FMN1: variants seen among roughly 807,000 people sequenced by gnomAD.
The protein encoded by FMN1 is formin-1.
FMN1 carries 110 observed loss-of-function variants against 132.4 expected under a neutral mutation model. The observed-to-expected ratio is 0.83, with a 90% CI of 0.71 to 0.97. The LOEUF (loss-of-function observed/expected upper bound fraction) is 0.97, where lower values mean the gene tolerates loss of function less well. Ranked by LOEUF, FMN1 falls within the 50% of genes least tolerant of loss-of-function variation. FMN1 has a pLI of 0.00. For missense variants in FMN1, 1,792 were observed against 1,705.3 expected (o/e 1.05, Z -0.90); for synonymous variants, 722 against 651.7 (o/e 1.11, Z -1.64).
At chr15:33,093,812 G>A (rs529939231) in intron 4 of FMN1, among the ~76,000 whole-genome samples, 3 of 152,310 alleles carry the variant, frequency 2.0e-5, no homozygotes, top group Admixed American at 2.0e-4. Flanking sequence ...CATTGATGAG[G>A]AAAGCATCCA....
chr15:32,926,290 A>T (rs1322239954), intron 9 of FMN1, 29 bp from the exon 10 acceptor site: 5 of 1,271,272 alleles, frequency 3.9e-6, no homozygotes, highest in Non-Finnish European at 5.5e-6. Flanking sequence ...AAAAAAGAAT[A>T]CAAGCTCAAA....
chr15:32,965,779 A>G (rs1032272145), intron 8 of FMN1, among the ~76,000 whole-genome samples: 2 of 152,220 alleles, frequency 1.3e-5, no homozygotes, highest in African/African-American at 4.8e-5. Flanking sequence ...ACCATGTAAT[A>G]GTATGACATA....
At chr15:33,110,641 T>C (rs1451373885) in intron 4 of FMN1, among the ~76,000 whole-genome samples, 1 of 151,962 alleles carries the variant, frequency 6.6e-6, no homozygotes, top group Non-Finnish European at 1.5e-5. Context: ...TTGACGCTTC[T>C]TTTTCTTTTT....
At chr15:33,131,235 G>T (rs532556646) in intron 4 of FMN1, among the ~76,000 whole-genome samples, 1 of 150,928 alleles carries the variant, frequency 6.6e-6, no homozygotes, top group East Asian at 1.9e-4. Context: ...AGGCTGAGGC[G>T]GAAGAATCAC....
rs371178299 is a variant in FMN1 at position 32,901,945 on chromosome 15, T to A, written c.3473A>T (p.His1158Leu). The A allele has an allele frequency of 1.9e-6, 3 of 1,612,874 alleles. No individual in the cohort carries two copies. In the African/African-American group the frequency reaches 4.0e-5, roughly 22 times the overall value. The stretch of plus-strand genomic sequence containing the variant: ...TCGCGTGATGATCTCTACCTTTCTG[T>A]GCAAGGAGGTGATACCCTCAGAAAA... Reference protein sequence around the residue: ...SVFSEGITSLHRKVEIITRAS... With the variant: ...SVFSEGITSLLRKVEIITRAS... The change falls in exon 13 of 21, where the codon CAC becomes CTC. Residue 1158 changes from histidine (H) to leucine (L), a missense_variant. Physicochemically the swap from His to Leu is moderately conservative, Grantham distance 99. This residue lies in a region of FMN1 where 1,150 missense variants were observed against 1,043.1 expected (regional missense o/e 1.10). Transcript: ENST00000616417.
chr15:32,987,997 G>C (rs909384064), intron 7 of FMN1, among the ~76,000 whole-genome samples: 1 of 150,510 alleles, frequency 6.6e-6, no homozygotes, highest in African/African-American at 2.4e-5. Context: ...TGCAGGTTTA[G>C]GAGAAAAAAA....
rs541132307 is a variant in FMN1, at chr15:32,796,632, T to C, written c.4130+2172A>G. On this transcript the variant is annotated intron_variant, in intron 19 of 20. Coordinates refer to ENST00000616417, the MANE Select transcript of FMN1 (RefSeq NM_001277313.2). ...CCTCATTTAATAGAAAAATTCCAGT[T>C]AATTTGCTTATTTTACCATAATGAA... Among the ~76,000 whole-genome samples, 71 of 152,328 alleles carry C rather than the reference T, an allele frequency of 4.7e-4. No homozygotes were observed. In the South Asian group the frequency reaches 9.1e-3, roughly 20 times the overall value.
At chr15:32,782,690 T>C (rs755290900) in intron 19 of FMN1, among the ~76,000 whole-genome samples, 62 of 152,260 alleles carry the variant, frequency 4.1e-4, no homozygotes, top group African/African-American at 7.2e-5. Flanking sequence ...TCTAGCTGCA[T>C]ACACGCTCAA....
At chr15:32,895,318 A>G (rs184094656) in intron 15 of FMN1, among the ~76,000 whole-genome samples, 1 of 152,176 alleles carries the variant, frequency 6.6e-6, no homozygotes, top group East Asian at 1.9e-4. Context: ...AAAAAGGAAA[A>G]AATGAAAAAA....
At chr15:33,075,733 T>C (rs892082933) in intron 5 of FMN1, among the ~76,000 whole-genome samples, 3 of 152,224 alleles carry the variant, frequency 2.0e-5, no homozygotes, top group East Asian at 1.9e-4. Flanking sequence ...AAAAGCATGC[T>C]GAAAATGAGA....
chr15:33,110,123 A>C (rs1224644361), intron 4 of FMN1, among the ~76,000 whole-genome samples: 1 of 152,104 alleles, frequency 6.6e-6, no homozygotes, highest in Non-Finnish European at 1.5e-5. Context: ...TTGACAATAT[A>C]ACGCTTCTCC....
chr15:32,973,701 A>G (rs1203469483), intron 7 of FMN1, among the ~76,000 whole-genome samples: 1 of 152,160 alleles, frequency 6.6e-6, no homozygotes, highest in Non-Finnish European at 1.5e-5. Flanking sequence ...GATTAAAGTA[A>G]TAAGCACCTC....
chr15:33,057,716 T>C (rs960876506), intron 6 of FMN1, among the ~76,000 whole-genome samples: 6 of 152,196 alleles, frequency 3.9e-5, no homozygotes, highest in African/African-American at 1.4e-4. Context: ...ACCTTTCTCA[T>C]CTCATGTTCT....
chr15:33,175,091 T>C (rs991750659), intron 3 of FMN1, among the ~76,000 whole-genome samples: 1 of 152,068 alleles, frequency 6.6e-6, no homozygotes, highest in Admixed American at 6.6e-5. Context: ...AGTGGCATGA[T>C]TATGGCTCAC....
chr15:32,993,101 T>A (rs1262727123), intron 7 of FMN1, among the ~76,000 whole-genome samples: 1 of 152,164 alleles, frequency 6.6e-6, no homozygotes, highest in Non-Finnish European at 1.5e-5. Flanking sequence ...CATTTTCAGC[T>A]GCAGTCTCTT....
chr15:33,154,069 C>G lies in FMN1; in HGVS notation c.846G>C (p.Arg282=). ...GATGCTCCAGCCCGCTCGGCGGCCT[C>G]CGAATGCCATCCCCTCCTGCCTCTG... The part of the protein sequence containing the change: ...SSTEAGGDGI[R]RPPSGLEHQQ... Residue 282 remains arginine, a synonymous_variant, in exon 4 of 21, where the codon CGG becomes CGC. Coordinates refer to ENST00000616417, the MANE Select transcript of FMN1 (RefSeq NM_001277313.2). 1 of 1,536,072 alleles carries G rather than the reference C, an allele frequency of 6.5e-7. No individual in the cohort carries two copies. The highest frequency in any genetic ancestry group is 8.7e-7 in the Non-Finnish European group (1 of 1,146,830).
intron 17 of FMN1, chr15:32,811,167 G>A (rs1008447131): frequency 1.3e-5 from 6 of 450,436 alleles, no homozygotes; most frequent in Non-Finnish European, 2.7e-5. Flanking sequence ...TTGTGATGCA[G>A]AGTTCTTACC....
Position 32,770,879 on chromosome 15 carries a change from C to T in FMN1, c.*3431G>A, listed in dbSNP as rs1366894334. On this transcript the variant is annotated 3_prime_UTR_variant, in exon 21 of 21. Transcript: ENST00000616417. ...GTTGCAGTGAGTGTGTAGAAAGACA[C>T]CATCATCAACATAAGGATTCAAAAG... 2 of 151,928 alleles carry T rather than the reference C, an allele frequency of 1.3e-5. No homozygotes were observed. The highest frequency in any genetic ancestry group is 2.4e-5 in the African/African-American group (1 of 41,314). 9.4% of individuals were successfully genotyped at this position (151,928 alleles called of 1,614,324 possible).
chr15:32,789,848 T>C (rs953641873), intron 19 of FMN1, among the ~76,000 whole-genome samples: 5 of 152,238 alleles, frequency 3.3e-5, no homozygotes, highest in African/African-American at 4.8e-5. Context: ...ACAAATACCA[T>C]TGTGTTACAA....
Sources: gnomAD v4.1 joint callset for allele counts (sites outside exome capture counted in the v4.1 genomes callset) on GRCh38, gnomAD v4.1.1 for gene constraint, gnomAD v4.1.1 regional missense constraint, MANE v1.5 for transcripts, NCBI Gene and HGNC (gene_info 2026-07-23, HGNC 2026-07-21) for gene names.